ATP8B4: variants seen among roughly 807,000 people sequenced by gnomAD.
The protein encoded by ATP8B4 is probable phospholipid-transporting ATPase IM.
A neutral mutation model predicts 145.6 loss-of-function variants in ATP8B4; 133 were observed. That is an observed-to-expected ratio of 0.91 (90% CI 0.79 to 1.05). The LOEUF is 1.05. ATP8B4 is among the 50% of genes least tolerant of loss of function. The pLI, the probability that ATP8B4 is intolerant of heterozygous loss-of-function variation, is 0.00. For synonymous variants in ATP8B4, 507 were observed against 492.9 expected (o/e 1.03, Z -0.38); for missense variants, 1,458 against 1,425.2 (o/e 1.02, Z -0.37).
chr15:49,910,703 G>A (rs1038085204), intron 20 of ATP8B4, among the ~76,000 whole-genome samples: 3 of 152,136 alleles, frequency 2.0e-5, no homozygotes, highest in Non-Finnish European at 2.9e-5. Flanking sequence ...CATTCAAAGT[G>A]CTGAAAGACA....
rs1472234793 is a variant in ATP8B4 at position 49,876,680 on chromosome 15, C to A, written c.2782-157G>T. ...GGACATTATCTTGTTTGTATTCCCA[C>A]AATAAACCAGAAGATAATAAAATGA... On this transcript the variant is annotated intron_variant, in intron 24 of 27. Transcript: ENST00000284509. The A allele has an allele frequency of 4.9e-6, 5 of 1,017,528 alleles. No homozygotes were observed. In the Admixed American group the frequency reaches 9.9e-5, roughly 20 times the overall value. 63.0% of individuals were successfully genotyped at this position (1,017,528 alleles called of 1,614,324 possible).
chr15:49,903,545 G>C (rs1481328788), intron 20 of ATP8B4, among the ~76,000 whole-genome samples: 1 of 152,044 alleles, frequency 6.6e-6, no homozygotes, highest in Non-Finnish European at 1.5e-5. Context: ...AGGATGGTTG[G>C]AAAAAAGAGT....
intron 7 of ATP8B4, chr15:50,009,522 A>G (rs1037318813): frequency 1.2e-5 from 4 of 345,100 alleles, no homozygotes; most frequent in African/African-American, 4.4e-5. Context: ...CAAAGAAGAT[A>G]AAGTCTTTAC....
At chr15:49,984,434 A>C (rs562246411) in intron 10 of ATP8B4, among the ~76,000 whole-genome samples, 1 of 152,324 alleles carries the variant, frequency 6.6e-6, no homozygotes, top group East Asian at 1.9e-4. Context: ...AGGGGAAACA[A>C]AAGGTTAGTG....
intron 3 of ATP8B4, among the ~76,000 whole-genome samples, chr15:50,072,996 AT>A (rs2053916195): frequency 2.3e-5 from 1 of 42,856 alleles, no homozygotes; most frequent in East Asian, 1.1e-3. Context: ...ATATATATAT[AT>A]ATATATATAT....
chr15:50,032,583 G>A (rs554618209), intron 6 of ATP8B4, among the ~76,000 whole-genome samples: 58 of 152,078 alleles, frequency 3.8e-4, no homozygotes, highest in African/African-American at 1.3e-3. Flanking sequence ...TGGTATTTCT[G>A]GTTCTAGATC....
intron 2 of ATP8B4, among the ~76,000 whole-genome samples, chr15:50,105,702 A>G (rs534149331): frequency 2.6e-5 from 4 of 152,312 alleles, no homozygotes; most frequent in South Asian, 4.1e-4. Flanking sequence ...ACAGCGACTT[A>G]TGCTTTCTTA....
chr15:49,872,172 T>A (rs1037466227), intron 25 of ATP8B4, among the ~76,000 whole-genome samples: 1 of 152,200 alleles, frequency 6.6e-6, no homozygotes, highest in Non-Finnish European at 1.5e-5. Context: ...AACAGAATAA[T>A]CACAGATGCC....
chr15:49,938,118 T>C lies in ATP8B4; in HGVS notation c.1288-3936A>G, dbSNP rs527995422. 8.7e-4 allele frequency among the ~76,000 whole-genome samples: 133 copies of C among 152,126 alleles called. 1 individual carries two copies. Among genetic ancestry groups the C allele is most frequent in the African/African-American group, 3.1e-3 (127 of 41,480 alleles). On this transcript the variant is annotated intron_variant, in intron 14 of 27. Coordinates refer to ENST00000284509, the MANE Select transcript of ATP8B4 (RefSeq NM_024837.4). Reference sequence around the variant, plus strand: ...AGCAGGAGTTACCCAGATAGAAAGGTAGGCAAATATTGTTTCAAGCCAAGG... The same window carrying C: ...AGCAGGAGTTACCCAGATAGAAAGGCAGGCAAATATTGTTTCAAGCCAAGG...
intron 17 of ATP8B4, 83 bp from the exon 18 acceptor site, chr15:49,920,493 A>AT: frequency 7.1e-7 from 1 of 1,415,934 alleles, no homozygotes; most frequent in South Asian, 1.5e-5. Context: ...TTGGTGAGAA[A>AT]TTTTTCACTC....
At chr15:49,897,946 A>C (rs1018287347) in intron 22 of ATP8B4, 122 bp downstream of exon 22, 7 of 1,108,526 alleles carry the variant, frequency 6.3e-6, no homozygotes, top group Non-Finnish European at 9.0e-6. Flanking sequence ...CAGAAGTATC[A>C]TTCATTTTAG....
intron 5 of ATP8B4, among the ~76,000 whole-genome samples, chr15:50,039,832 A>T (rs529840214): frequency 2.0e-5 from 3 of 152,214 alleles, no homozygotes; most frequent in South Asian, 2.1e-4. Flanking sequence ...TCTTTCTATT[A>T]TGCTATGCCC....
At chr15:49,928,735 T>G (rs1428730357) in intron 16 of ATP8B4, among the ~76,000 whole-genome samples, 3 of 152,152 alleles carry the variant, frequency 2.0e-5, no homozygotes, top group Non-Finnish European at 4.4e-5. Context: ...CTTTCATGAT[T>G]AAAAAGGGGT....
chr15:50,115,858 G>C (rs1482336165), intron 1 of ATP8B4, among the ~76,000 whole-genome samples: 1 of 152,208 alleles, frequency 6.6e-6, no homozygotes, highest in Non-Finnish European at 1.5e-5. Context: ...AGAGAGCATT[G>C]CCATGGTCAA....
At chr15:49,954,937 C>A (rs541171847) in intron 14 of ATP8B4, among the ~76,000 whole-genome samples, 1 of 152,138 alleles carries the variant, frequency 6.6e-6, no homozygotes, top group African/African-American at 2.4e-5. Flanking sequence ...TGCCCATCAG[C>A]GGTGGATAGG....
chr15:49,902,405 T>C (rs2038134446), intron 20 of ATP8B4: 1 of 152,186 alleles, frequency 6.6e-6, no homozygotes, highest in Non-Finnish European at 1.5e-5. Context: ...TATTTGAAAA[T>C]GTAACACCAA....
chr15:49,874,003 CTCT>C (rs1481875322), intron 25 of ATP8B4, among the ~76,000 whole-genome samples: 5 of 152,220 alleles, frequency 3.3e-5, no homozygotes, highest in African/African-American at 1.2e-4. Flanking sequence ...CAGATGAACT[CTCT>C]TGTTATGACA....
chr15:50,169,732 G>A (rs1409689191), intron 1 of ATP8B4, among the ~76,000 whole-genome samples: 2 of 152,174 alleles, frequency 1.3e-5, no homozygotes, highest in African/African-American at 4.8e-5. Context: ...AAGCTAATCT[G>A]GGAGGGACCA....
At position 49,901,218 on chromosome 15, in the gene ATP8B4, A is replaced by C. The variant is rs1372175285; in HGVS notation, c.2163T>G (p.Phe721Leu). The C allele has an allele frequency of 2.5e-6, 4 of 1,613,404 alleles. No homozygotes were observed. Among genetic ancestry groups the C allele is most frequent in the Non-Finnish European group, 2.5e-6 (3 of 1,179,602 alleles). Reference protein sequence around the residue: ...EELRKAKQNLFGQNRNFSNGH... With the variant: ...EELRKAKQNLLGQNRNFSNGH... The stretch of plus-strand genomic sequence containing the variant: ...CATTGGAAAAATTTCTGTTTTGTCC[A>C]AACAAATTTTGTTTTGCTTTCCTTA... The change falls in exon 21 of 28, where the codon TTT (phenylalanine) becomes TTG (leucine). Residue 721 changes from phenylalanine to leucine, a missense_variant. Transcript: ENST00000284509.
Sources: allele counts gnomAD v4.1 joint callset (sites outside exome capture counted in the v4.1 genomes callset), GRCh38; gene constraint gnomAD v4.1.1; transcripts MANE v1.5; gene names NCBI Gene and HGNC (gene_info 2026-07-23, HGNC 2026-07-21).